The following SHOC1 variants were observed in gnomAD, a reference collection of about 807,000 sequenced individuals.
SHOC1 encodes protein shortage in chiasmata 1 ortholog.
Under a neutral mutation model 179.2 loss-of-function variants are expected in SHOC1, and 136 were observed. The ratio of observed to expected loss-of-function variants is 0.76; its 90% CI spans 0.66 to 0.87. The LOEUF is 0.87. Among genes scored for constraint, SHOC1 ranks in the 40% least tolerant of loss-of-function variants. SHOC1 has a pLI of 0.00. For missense variants in SHOC1, 1,538 were observed against 1,700.8 expected, an observed-to-expected ratio of 0.90 and a Z score of 1.68; for synonymous variants, 489 against 586.6, an observed-to-expected ratio of 0.83 and a Z score of 2.41.
intron 12 of SHOC1, among the ~76,000 whole-genome samples, chr9:111,732,016 A>G (rs1305945674): frequency 6.6e-6 from 1 of 152,186 alleles, no homozygotes; most frequent in Non-Finnish European, 1.5e-5. Flanking sequence ...AAAATTATAT[A>G]CAAATGGCCA....
chr9:111,704,372 T>A (rs1329118899), intron 21 of SHOC1, among the ~76,000 whole-genome samples: 1 of 152,166 alleles, frequency 6.6e-6, no homozygotes, highest in Non-Finnish European at 1.5e-5. Flanking sequence ...TTTTAAGCAC[T>A]TTTTATTTTA....
At chr9:111,697,254 T>C (rs192360267) in intron 24 of SHOC1, among the ~76,000 whole-genome samples, 41 of 151,892 alleles carry the variant, frequency 2.7e-4, no homozygotes, top group Middle Eastern at 3.4e-3. Context: ...AGGTTTGTTA[T>C]ATATGTATAC....
intron 23 of SHOC1, among the ~76,000 whole-genome samples, chr9:111,700,559 C>T (rs1055941785): frequency 6.6e-6 from 1 of 150,654 alleles, no homozygotes; most frequent in Non-Finnish European, 1.5e-5. Context: ...ACTTTATGTA[C>T]CCTAAGCAAC....
At chr9:111,760,185 G>C (rs1300530240) in intron 5 of SHOC1, among the ~76,000 whole-genome samples, 2 of 152,108 alleles carry the variant, frequency 1.3e-5, no homozygotes, top group Non-Finnish European at 2.9e-5. Flanking sequence ...GAACTAAATG[G>C]CTGACATCTG....
rs79176512 is a variant in SHOC1 at position 111,718,380 on chromosome 9, T to G, written c.2132-92A>C. The G allele has an allele frequency of 2.1e-4, 161 of 751,210 alleles. No individual in the cohort carries two copies. The East Asian group carries it at 4.8e-3, about 22-fold the overall frequency. 46.5% of individuals were successfully genotyped at this position (751,210 alleles called of 1,614,324 possible). ...TCTGCCTAATAATGGGAGCTAACAT[T>G]TATTATTGAGTGCTTACTATATGCC... On this transcript the variant is annotated intron_variant, in intron 15 of 27. Coordinates refer to ENST00000682961, the MANE Select transcript of SHOC1 (RefSeq NM_001378211.1).
intron 20 of SHOC1, 87 bp downstream of exon 20, chr9:111,706,481 G>A: frequency 9.8e-7 from 1 of 1,023,868 alleles, no homozygotes. Flanking sequence ...TAATGTCACA[G>A]CTTATTTTTA....
At chr9:111,792,215 TAC>T (rs1189926477) in intron 1 of SHOC1, among the ~76,000 whole-genome samples, 1 of 152,160 alleles carries the variant, frequency 6.6e-6, no homozygotes, top group Admixed American at 6.5e-5. Flanking sequence ...CTCAAGGAAT[TAC>T]AGTTTTGAAG....
intron 11 of SHOC1, among the ~76,000 whole-genome samples, chr9:111,740,496 T>C (rs1589429233): frequency 6.6e-6 from 1 of 152,220 alleles, no homozygotes; most frequent in African/African-American, 2.4e-5. Flanking sequence ...TTTAACTTAC[T>C]CAGATAAATT....
chr9:111,721,908 C>G (rs1276984394), intron 15 of SHOC1, among the ~76,000 whole-genome samples: 1 of 152,148 alleles, frequency 6.6e-6, no homozygotes, highest in East Asian at 1.9e-4. Flanking sequence ...TCACTCATTT[C>G]CTCTCTCTCA....
At chr9:111,786,431 T>G (rs952656042) in intron 2 of SHOC1, among the ~76,000 whole-genome samples, 4 of 151,138 alleles carry the variant, frequency 2.6e-5, no homozygotes, top group Non-Finnish European at 4.4e-5. Flanking sequence ...TGAGACTCCG[T>G]GTCAAAAAAA....
rs373103316 is a variant in SHOC1, at chr9:111,741,151, A to T, written c.1174+325T>A. Among the ~76,000 whole-genome samples the T allele has an allele frequency of 3.3e-5, 5 of 150,700 alleles. No individual in the cohort carries two copies. The South Asian group carries it at 1.0e-3, about 32-fold the overall frequency. ...TTAGATGAGATTTTTTTTTATTTTT[A>T]TTTTTTTTTACAAACAACTCACAAC... On this transcript the variant is annotated intron_variant, in intron 11 of 27. Transcript: ENST00000682961.
Position 111,691,772 on chromosome 9 carries a change from G to A in SHOC1, c.4205C>T (p.Ser1402Leu). 7 of 1,613,962 alleles carry A rather than the reference G, an allele frequency of 4.3e-6. No individual in the cohort carries two copies. Among genetic ancestry groups the A allele is most frequent in the Non-Finnish European group, 5.9e-6 (7 of 1,179,958 alleles). ...NLFTDQQKCLSDESEGLTCES... is the reference protein window; with the variant it reads ...NLFTDQQKCLLDESEGLTCES... ...ACATGTGAGGCCTTCAGACTCATCT[G>A]ATAGACATTTTTGCTGATCAGTGAA... Residue 1402 changes from serine to leucine, a missense_variant, in exon 27 of 28, where the codon TCA (serine) becomes TTA (leucine). Coordinates refer to ENST00000682961, the MANE Select transcript of SHOC1 (RefSeq NM_001378211.1).
At chr9:111,718,380 T>A (rs79176512) in intron 15 of SHOC1, 92 bp from the exon 16 acceptor site, 2 of 751,212 alleles carry the variant, frequency 2.7e-6, no homozygotes, top group Non-Finnish European at 4.1e-6. Context: ...GAGCTAACAT[T>A]TATTATTGAG....
intron 11 of SHOC1, among the ~76,000 whole-genome samples, chr9:111,738,993 C>T (rs1008841055): frequency 7.9e-5 from 12 of 151,970 alleles, no homozygotes; most frequent in Non-Finnish European, 1.5e-4. Context: ...ACTTTCTAGC[C>T]TAAACGGGAG....
chr9:111,695,908 G>T (rs1016275859), intron 24 of SHOC1, among the ~76,000 whole-genome samples: 3 of 152,086 alleles, frequency 2.0e-5, no homozygotes, highest in Non-Finnish European at 4.4e-5. Context: ...TAATAAAAAC[G>T]AGATATTTCG....
Position 111,707,937 on chromosome 9 carries a change from A to G in SHOC1, c.2489-13T>C. The stretch of plus-strand genomic sequence containing the variant: ...GTCAGTGTTAAACCTGTTGGAAAAA[A>G]GAATAATTTTTTTCAGTGTCTTGTT... On this transcript the variant is annotated splice_polypyrimidine_tract_variant and intron_variant, in intron 18 of 27. Coordinates refer to ENST00000682961, the MANE Select transcript of SHOC1 (RefSeq NM_001378211.1). 2.0e-6 allele frequency: 3 copies of G among 1,502,414 alleles called. No individual in the cohort carries two copies. Among genetic ancestry groups the G allele is most frequent in the Non-Finnish European group, 2.7e-6 (3 of 1,118,422 alleles). 93.1% of individuals were successfully genotyped at this position (1,502,414 alleles called of 1,614,324 possible).
intron 1 of SHOC1, 105 bp from the exon 2 acceptor site, chr9:111,791,559 A>G: frequency 4.7e-6 from 2 of 429,212 alleles, no homozygotes; most frequent in Non-Finnish European, 8.3e-6. Flanking sequence ...AAGGCTCTGA[A>G]TGATAATCAT....
chr9:111,707,673 A>T (rs371435348), intron 19 of SHOC1, among the ~76,000 whole-genome samples, 182 bp downstream of exon 19: 1 of 152,164 alleles, frequency 6.6e-6, no homozygotes, highest in African/African-American at 2.4e-5. Context: ...CCAATAACAT[A>T]TAATACACAG....
At position 111,694,334 on chromosome 9, in the gene SHOC1, GTTGC is replaced by G. The variant is rs771890082; in HGVS notation, c.3208_3211del (p.Ala1070LeufsTer3). 3.1e-6 allele frequency: 5 copies of G among 1,610,314 alleles called. No individual in the cohort carries two copies. Among genetic ancestry groups the G allele is most frequent in the Non-Finnish European group, 4.2e-6 (5 of 1,177,334 alleles). ...AGCAATTTGTCGAATTATCAAGGCA[GTTGC>G]TTCTACTCCTGGGGCAATTATAAGC... On this transcript the variant is annotated frameshift_variant, in exon 25 of 28. Transcript: ENST00000682961. LOFTEE classifies it high-confidence loss of function.
Sources: allele counts gnomAD v4.1 joint callset (sites outside exome capture counted in the v4.1 genomes callset), GRCh38; gene constraint gnomAD v4.1.1; transcripts MANE v1.5; gene names NCBI Gene and HGNC (gene_info 2026-07-23, HGNC 2026-07-21).